Variants in LIPE observed in about 807,000 individuals in gnomAD.
LIPE encodes the protein lipase E, hormone sensitive type, also known as hormone-sensitive lipase.
A neutral mutation model predicts 88.5 loss-of-function variants in LIPE; 66 were observed. The ratio of observed to expected loss-of-function variants is 0.75; its 90% CI spans 0.61 to 0.91. The LOEUF (loss-of-function observed/expected upper bound fraction) is 0.91. Among genes scored for constraint, LIPE ranks in the 40% least tolerant of loss-of-function variants. The probability of loss-of-function intolerance (pLI) is 0.00; values close to 1 mark genes in which losing one functional copy is unlikely to be tolerated. For missense variants in LIPE, 1,346 were observed against 1,434.7 expected (o/e 0.94, Z 1.00); for synonymous variants, 570 against 617.5 (o/e 0.92, Z 1.14).
intron 1 of LIPE, among the ~76,000 whole-genome samples, chr19:42,421,697 C>A (rs2040601563): frequency 6.6e-6 from 1 of 152,230 alleles, no homozygotes; most frequent in African/African-American, 2.4e-5. Flanking sequence ...GCCCAGGCGG[C>A]CTTGGTCCCT....
chr19:42,412,409 T>C, intron 1 of LIPE: 1 of 985,846 alleles, frequency 1.0e-6, no homozygotes, highest in East Asian at 1.1e-4. Context: ...GGACTGCTGG[T>C]CTGTGGCTTG....
Position 42,406,014 on chromosome 19 carries a change from A to G in LIPE, c.2365+147T>C. The G allele has an allele frequency of 3.2e-6, 2 of 627,060 alleles. No individual in the cohort carries two copies. Among genetic ancestry groups the G allele is most frequent in the Middle Eastern group, 4.3e-4 (1 of 2,344 alleles). 38.8% of individuals were successfully genotyped at this position (627,060 alleles called of 1,614,324 possible). A position where few individuals can be genotyped will look rare whatever the true frequency, so the allele number is the denominator to read the frequency against. ...CACACACACACACACACACACACAC[A>G]CACACGAAAAAAAAGGGACAAGGAG... On this transcript the variant is annotated intron_variant, in intron 7 of 9. Coordinates refer to ENST00000244289, the MANE Select transcript of LIPE (RefSeq NM_005357.4). This position sits in a 1 kb window ranked among gnomAD's most constrained non-coding sequence, Gnocchi z 5.7.
At chr19:42,404,351 C>T (rs1225030010) in intron 8 of LIPE, among the ~76,000 whole-genome samples, 2 of 152,060 alleles carry the variant, frequency 1.3e-5, no homozygotes, top group Non-Finnish European at 2.9e-5. Context: ...CTGCCTCAGC[C>T]TCCTGAGTAG....
At position 42,410,082 on chromosome 19, in the gene LIPE, G is replaced by C. The variant is rs537344743; in HGVS notation, c.1419+225C>G. ...TGGATATCCTGGTGAAAAAAGCTCTGCAAGTTGCATTTCTTACCACCTAGC... is the reference window on the plus strand; with the variant it reads ...TGGATATCCTGGTGAAAAAAGCTCTCCAAGTTGCATTTCTTACCACCTAGC... On this transcript the variant is annotated intron_variant, in intron 2 of 9. Transcript: ENST00000244289. This position sits in a 1 kb window ranked among gnomAD's most constrained non-coding sequence, Gnocchi z 6.1. 6.6e-6 allele frequency among the ~76,000 whole-genome samples: 1 copy of C among 152,314 alleles called. No homozygotes were observed. Among genetic ancestry groups the C allele is most frequent in the East Asian group, 1.9e-4 (1 of 5,184 alleles).
chr19:42,407,478 A>C lies in LIPE; in HGVS notation c.1843-10T>G. The C allele has an allele frequency of 6.2e-7, 1 of 1,605,796 alleles. No homozygotes were observed. The highest frequency in any genetic ancestry group is 1.7e-5 in the Admixed American group (1 of 59,634). On this transcript the variant is annotated splice_polypyrimidine_tract_variant and intron_variant, in intron 5 of 9. Transcript: ENST00000244289. The surrounding 1 kb of genome is among the most constrained non-coding windows in gnomAD (Gnocchi z 5.8). The stretch of plus-strand genomic sequence containing the variant: ...TGAGCTCCTCACTGTCCTGGGGGTG[A>C]GGAGGGAGACGGTGTGTGAGGTTGG...
intron 2 of LIPE, among the ~76,000 whole-genome samples, chr19:42,409,048 G>A (rs966449314): frequency 9.9e-5 from 15 of 152,014 alleles, no homozygotes; most frequent in African/African-American, 3.4e-4. Flanking sequence ...GATGGTGCAG[G>A]GACTTCCTGA....
chr19:42,411,266 C>G lies in LIPE; in HGVS notation c.884-424G>C, dbSNP rs1485782188. The G allele has an allele frequency of 4.1e-6, 4 of 977,928 alleles. No individual in the cohort carries two copies. In the African/African-American group the frequency reaches 7.0e-5, roughly 17 times the overall value. The allele number at this position is 977,928 out of a possible 1,614,324, so 60.6% of individuals were successfully genotyped here. On this transcript the variant is annotated intron_variant, in intron 1 of 9. Coordinates refer to ENST00000244289, the MANE Select transcript of LIPE (RefSeq NM_005357.4). The stretch of plus-strand genomic sequence containing the variant: ...CGACTCTGCTTCCCTAACTCATTCA[C>G]CTCTCCTGTGATCCAGGAGGCTGCC...
Position 42,427,188 on chromosome 19 carries a change from C to T in LIPE, c.-39G>A, listed in dbSNP as rs769420317. On this transcript the variant is annotated 5_prime_UTR_variant, in exon 1 of 10. Transcript: ENST00000244289. ...ACGGGAGATATTGATCTTCCAGGTTCTATCCTTCTGGGCTCCCACCCAGCC... is the reference window on the plus strand; with the variant it reads ...ACGGGAGATATTGATCTTCCAGGTTTTATCCTTCTGGGCTCCCACCCAGCC... 9.1e-6 allele frequency: 14 copies of T among 1,541,840 alleles called. No homozygotes were observed. In the South Asian group the frequency reaches 1.4e-4, roughly 15 times the overall value.
In LIPE at chr19:42,407,047, G is replaced by T; in HGVS notation, c.2137+127C>A. 1.2e-6 allele frequency: 1 copy of T among 827,462 alleles called. No homozygotes were observed. The highest frequency in any genetic ancestry group is 1.7e-5 in the African/African-American group (1 of 58,204). 51.3% of individuals were successfully genotyped at this position (827,462 alleles called of 1,614,324 possible). The stretch of plus-strand genomic sequence containing the variant: ...AGGTGGAAGATTGGGCAGGACCTGG[G>T]TGAGCAGGAGCTGGGAGGTGTGGGG... On this transcript the variant is annotated intron_variant, in intron 6 of 9. Transcript: ENST00000244289. The surrounding 1 kb of genome is among the most constrained non-coding windows in gnomAD (Gnocchi z 5.8).
chr19:42,423,457 CTCCTT>C, intron 1 of LIPE: 1 of 1,289,324 alleles, frequency 7.8e-7, no homozygotes, highest in Non-Finnish European at 1.0e-6. Context: ...GCGACCGTGG[CTCCTT>C]GAGCCCTCTT....
At position 42,427,325 on chromosome 19, in the gene LIPE, T is replaced by C. The variant is rs2040726167; in HGVS notation, c.-176A>G. ...TTTAAGGCAGCTGGCAGTTGGCCGA[T>C]CACAGCTGGCCCCCACTAAGTAATG... On this transcript the variant is annotated 5_prime_UTR_variant, in exon 1 of 10. Transcript: ENST00000244289. 1.6e-6 allele frequency: 2 copies of C among 1,251,704 alleles called. No homozygotes were observed. The highest frequency in any genetic ancestry group is 2.1e-6 in the Non-Finnish European group (2 of 945,534). 77.5% of individuals were successfully genotyped at this position (1,251,704 alleles called of 1,614,324 possible).
At chr19:42,419,527 C>A (rs376248861) in intron 1 of LIPE, among the ~76,000 whole-genome samples, 28 of 152,294 alleles carry the variant, frequency 1.8e-4, no homozygotes, top group African/African-American at 6.7e-4. Flanking sequence ...GGTAGGCCCA[C>A]TGGGGCCGTG....
At position 42,402,189 on chromosome 19, in the gene LIPE, G is replaced by C. The variant is rs1399110994; in HGVS notation, c.2968-114C>G. The C allele has an allele frequency of 3.9e-6, 4 of 1,027,454 alleles. No homozygotes were observed. The South Asian group carries it at 7.4e-5, about 19-fold the overall frequency. 63.6% of individuals were successfully genotyped at this position (1,027,454 alleles called of 1,614,324 possible). A position where few individuals can be genotyped will look rare whatever the true frequency, so the allele number is the denominator to read the frequency against. ...GGGAGCGGGAAATACGGATACAGAC[G>C]GAGTGGACGGAGGCAGGAGACATGG... is the stretch of plus-strand genomic sequence containing the variant. On this transcript the variant is annotated intron_variant, in intron 9 of 9. Transcript: ENST00000244289.
In LIPE at chr19:42,427,059, T is replaced by C. The variant is rs779614865; in HGVS notation, c.91A>G (p.Lys31Glu). ...PITPLEPGPE[K>E]TPIAQPESKT... ...GATTCTGGCTGGGCTATGGGTGTCT[T>C]TTCTGGCCCAGGCTCTAGCGGGGTT... is the stretch of plus-strand genomic sequence containing the variant. Residue 31 changes from lysine to glutamate, a missense_variant, in exon 1 of 10, where the codon AAG becomes GAG. Lys to Glu is a moderately conservative substitution (Grantham distance 56). Transcript: ENST00000244289. 1.2e-6 allele frequency: 2 copies of C among 1,613,744 alleles called. No individual in the cohort carries two copies. Among genetic ancestry groups the C allele is most frequent in the Non-Finnish European group, 1.7e-6 (2 of 1,179,934 alleles).
rs758392002 is a variant in LIPE at position 42,423,511 on chromosome 19, G to T, written c.883+2756C>A. On this transcript the variant is annotated intron_variant, in intron 1 of 9. Coordinates refer to ENST00000244289, the MANE Select transcript of LIPE (RefSeq NM_005357.4). ...GGCCGGGGCCATAGCGGCCTCGGCG[G>T]GCTCCGTTCCCCCGGCCAACTCCAT... 3 of 1,273,546 alleles carry T rather than the reference G, an allele frequency of 2.4e-6. No homozygotes were observed. The East Asian group carries it at 1.7e-4, about 72-fold the overall frequency. 78.9% of individuals were successfully genotyped at this position (1,273,546 alleles called of 1,614,324 possible).
At position 42,407,406 on chromosome 19, in the gene LIPE, C is replaced by G. The variant is rs2229614; in HGVS notation, c.1905G>C (p.Pro635=). 1.7e-5 allele frequency: 27 copies of G among 1,613,482 alleles called. No individual in the cohort carries two copies. Among genetic ancestry groups the G allele is most frequent in the Admixed American group, 5.0e-5 (3 of 59,952 alleles). ...SNGQRSLELW[P]RPQQAPRSRS... ...GCGAGCGGGGTGCCTGCTGGGGGCGCGGCCACAGCTCCAGGCTCCGTTGGC... is the reference window on the plus strand; with the variant it reads ...GCGAGCGGGGTGCCTGCTGGGGGCGGGGCCACAGCTCCAGGCTCCGTTGGC... The change falls in exon 6 of 10, where the codon CCG becomes CCC. Residue 635 remains proline, a synonymous_variant. Coordinates refer to ENST00000244289, the MANE Select transcript of LIPE (RefSeq NM_005357.4). This position sits in a 1 kb window ranked among gnomAD's most constrained non-coding sequence, Gnocchi z 5.8.
chr19:42,413,030 A>G lies in LIPE; in HGVS notation c.884-2188T>C, dbSNP rs376332678. The stretch of plus-strand genomic sequence containing the variant: ...ACCCCTCTCAGCCCACCCTGCTGTG[A>G]CTGGCATCCCCACCTCACACAGGGA... On this transcript the variant is annotated intron_variant, in intron 1 of 9. Transcript: ENST00000244289. 2.6e-5 allele frequency among the ~76,000 whole-genome samples: 4 copies of G among 152,150 alleles called. 1 individual carries two copies. In the East Asian group the frequency reaches 5.8e-4, roughly 22 times the overall value.
intron 2 of LIPE, among the ~76,000 whole-genome samples, chr19:42,409,852 G>T (rs2040316658): frequency 6.6e-6 from 1 of 152,060 alleles, no homozygotes. Flanking sequence ...GGTTGCTGAG[G>T]ATAGGCTAGC....
In LIPE at chr19:42,426,704, GCTGGAGGTGGCTCTCCTGGCCCAGGCC is replaced by G; in HGVS notation, c.419_445del (p.Gly140_Pro148del). 1 of 1,614,198 alleles carries G rather than the reference GCTGGAGGTGGCTCTCCTGGCCCAGGCC, an allele frequency of 6.2e-7. No individual in the cohort carries two copies. Among genetic ancestry groups the G allele is most frequent in the South Asian group, 1.1e-5 (1 of 91,086 alleles). On this transcript the variant is annotated inframe_deletion, in exon 1 of 10. Coordinates refer to ENST00000244289, the MANE Select transcript of LIPE (RefSeq NM_005357.4). ...AGGTGTTGATTCAGCTTCTTGTTGA[GCTGGAGGTGGCTCTCCTGGCCCAGGCC>G]CTGGCTGGGCTACATGTCTTTGTCT...
Sources: allele counts gnomAD v4.1 joint callset (sites outside exome capture counted in the v4.1 genomes callset), GRCh38; gene constraint gnomAD v4.1.1; non-coding constraint Gnocchi (gnomAD v3.1); transcripts MANE v1.5; gene names NCBI Gene and HGNC (gene_info 2026-07-23, HGNC 2026-07-21).